The following LRRC45 variants were observed in gnomAD, a reference collection of about 807,000 sequenced individuals.
LRRC45 encodes leucine-rich repeat-containing protein 45.
In LRRC45, 73 loss-of-function variants were observed where a neutral mutation model predicts 85.4. That is an observed-to-expected ratio of 0.85 (90% CI 0.71 to 1.04). The LOEUF (loss-of-function observed/expected upper bound fraction) is 1.04, where lower values mean the gene tolerates loss of function less well. LRRC45 is among the 50% of genes least tolerant of loss of function. The pLI, the probability that LRRC45 is intolerant of heterozygous loss-of-function variation, is 0.00. For synonymous variants in LRRC45, 429 were observed against 386.0 expected (o/e 1.11, Z -1.31); for missense variants, 937 against 883.3 (o/e 1.06, Z -0.77).
At chr17:82,026,051 G>A (rs1238292878) in intron 5 of LRRC45, among the ~76,000 whole-genome samples, 1 of 152,150 alleles carries the variant, frequency 6.6e-6, no homozygotes, top group African/African-American at 2.4e-5. Context: ...CCTAATCCGC[G>A]CACAGCGGCA....
At position 82,023,791 on chromosome 17, in the gene LRRC45, C is replaced by T; in HGVS notation, c.148C>T (p.Leu50=). 6.4e-7 allele frequency: 1 copy of T among 1,567,530 alleles called. No homozygotes were observed. Among genetic ancestry groups the T allele is most frequent in the Non-Finnish European group, 8.6e-7 (1 of 1,158,850 alleles). Residue 50 remains leucine, a synonymous_variant, in exon 1 of 17, where the codon CTG becomes TTG. Coordinates refer to ENST00000306688, the MANE Select transcript of LRRC45 (RefSeq NM_144999.4). ...CCTGACGGTGGAGACCTGCAGGGCC[C>T]TGGGCAAGCTGCTGCCGAGGGAGAC... ...QSLTVETCRA[L]GKLLPRETLC... is the part of the protein sequence containing the mutation.
intron 1 of LRRC45, 93 bp downstream of exon 1, chr17:82,023,956 A>G (rs966825779): frequency 1.8e-5 from 22 of 1,233,750 alleles, no homozygotes; most frequent in East Asian, 2.6e-5. Flanking sequence ...CAGGCTCTCC[A>G]ATTTCTGTGC....
intron 1 of LRRC45, 58 bp downstream of exon 1, chr17:82,023,921 C>T (rs1404402404): frequency 6.8e-6 from 10 of 1,468,474 alleles, no homozygotes; most frequent in African/African-American, 4.2e-5. Context: ...ACCATTGCCT[C>T]GGCAGCCCGA....
chr17:82,030,770 G>A lies in LRRC45; in HGVS notation c.1978G>A (p.Ala660Thr). The A allele has an allele frequency of 6.9e-7, 1 of 1,439,258 alleles. No individual in the cohort carries two copies. Among genetic ancestry groups the A allele is most frequent in the Non-Finnish European group, 9.3e-7 (1 of 1,080,064 alleles). 89.2% of individuals were successfully genotyped at this position (1,439,258 alleles called of 1,614,324 possible). A position where few individuals can be genotyped will look rare whatever the true frequency, so the allele number is the denominator to read the frequency against. ...LQNAVLAYVQ[A>T]SPVRTLSPPK ...GAACGCCGTCCTGGCTTACGTGCAG[G>A]CGTCCCCCGTGAGGACCCTGAGCCC... The change falls in exon 17 of 17, where the codon GCG (alanine) becomes ACG (threonine). Residue 660 changes from alanine (A) to threonine (T), a missense_variant. Physicochemically the swap from Ala to Thr is moderately conservative, Grantham distance 58. Transcript: ENST00000306688.
Position 82,023,308 on chromosome 17 carries a change from C to A in LRRC45, c.-336C>A, listed in dbSNP as rs920171721. 4.4e-6 allele frequency: 2 copies of A among 456,872 alleles called. No homozygotes were observed. Among genetic ancestry groups the A allele is most frequent in the South Asian group, 6.4e-5 (2 of 31,244 alleles). The allele number at this position is 456,872 out of a possible 1,614,324, so 28.3% of individuals were successfully genotyped here. On this transcript the variant is annotated 5_prime_UTR_variant, in exon 1 of 17. Transcript: ENST00000306688. ...GCGGCCTCTCCCGGCGCGCCTTGTT[C>A]TTCCTGGATACTGAGGCCCCGACGC...
intron 5 of LRRC45, 80 bp downstream of exon 5, chr17:82,025,587 G>A: frequency 6.9e-7 from 1 of 1,443,038 alleles, no homozygotes; most frequent in South Asian, 1.6e-5. Context: ...CCGGGCTCAG[G>A]ACGGGAACTG....
rs763998431 is a variant in LRRC45, at chr17:82,030,832, T to G, written c.*27T>G. On this transcript the variant is annotated 3_prime_UTR_variant, in exon 17 of 17. Transcript: ENST00000306688. The stretch of plus-strand genomic sequence containing the variant: ...ACAGGCCGGGAGGACCCGGGCGCAG[T>G]AGGAGTGCATCAGGCGGCGCCCGAG... 7.6e-7 allele frequency: 1 copy of G among 1,315,480 alleles called. No homozygotes were observed. Among genetic ancestry groups the G allele is most frequent in the Non-Finnish European group, 9.8e-7 (1 of 1,020,752 alleles). The allele number at this position is 1,315,480 out of a possible 1,614,324, so 81.5% of individuals were successfully genotyped here.
rs1278440362 is a variant in LRRC45, at chr17:82,030,184, C to G, written c.1614C>G (p.Ser538Arg). ...QVVAEAQTRV[S>R]QLGLQVEGLR... is the part of the protein sequence containing the mutation. Reference sequence around the variant, plus strand: ...TGGCCGAGGCCCAGACCCGGGTCAGCCAGCTGGGCCTGCAAGTTGAGGGCC... The same window carrying G: ...TGGCCGAGGCCCAGACCCGGGTCAGGCAGCTGGGCCTGCAAGTTGAGGGCC... The change falls in exon 15 of 17, where the codon AGC becomes AGG. Residue 538 changes from serine (S) to arginine (R), a missense_variant. Physicochemically the swap from Ser to Arg is moderately radical, Grantham distance 110 (BLOSUM62 -1). Coordinates refer to ENST00000306688, the MANE Select transcript of LRRC45 (RefSeq NM_144999.4). 13 of 1,542,026 alleles carry G rather than the reference C, an allele frequency of 8.4e-6. No homozygotes were observed. In the South Asian group the frequency reaches 1.4e-4, roughly 17 times the overall value.
chr17:82,027,952 C>T (rs940450862), intron 8 of LRRC45, 59 bp from the exon 9 acceptor site: 1 of 1,552,342 alleles, frequency 6.4e-7, no homozygotes, highest in Non-Finnish European at 8.7e-7. Context: ...AGCAGCGAGG[C>T]CTTTATAAGG....
intron 13 of LRRC45, 22 bp from the exon 14 acceptor site, chr17:82,029,521 T>G: frequency 6.4e-7 from 1 of 1,554,664 alleles, no homozygotes; most frequent in Non-Finnish European, 8.7e-7. Context: ...GAGAACGGGC[T>G]GGCAGGTGGC....
rs753792516 is a variant in LRRC45 at position 82,029,180 on chromosome 17, G to A, written c.1396G>A (p.Glu466Lys). The A allele has an allele frequency of 2.5e-6, 4 of 1,610,084 alleles. No homozygotes were observed. The South Asian group carries it at 3.3e-5, about 13-fold the overall frequency. The stretch of plus-strand genomic sequence containing the variant: ...GCTGGAGGCGGCGCGGCTGTCCCTG[G>A]AGGAGGTGAGTGCCCACCAGGCAGG... ...QRLEAARLSL[E>K]EELSRVKAAA... is the part of the protein sequence containing the mutation. The change falls in exon 13 of 17, where the codon GAG (glutamate) becomes AAG (lysine). Residue 466 changes from glutamate (E) to lysine (K), a missense_variant. Physicochemically the swap from Glu to Lys is moderately conservative, Grantham distance 56 (BLOSUM62 1). Coordinates refer to ENST00000306688, the MANE Select transcript of LRRC45 (RefSeq NM_144999.4).
intron 5 of LRRC45, among the ~76,000 whole-genome samples, chr17:82,026,564 T>TTGTGTGTGTGTGTGTGTGTGTG (rs550616399): frequency 1.5e-5 from 2 of 137,466 alleles, no homozygotes; most frequent in African/African-American, 2.7e-5. Flanking sequence ...CACAGCTCCT[T>TTGTGTGTGTGTGTGTGTGTGTG]TGTGTGTGTG....
Position 82,024,315 on chromosome 17 carries a change from C to A in LRRC45, c.258C>A (p.Thr86=), listed in dbSNP as rs150032877. The A allele has an allele frequency of 1.9e-6, 3 of 1,612,358 alleles. No homozygotes were observed. The highest frequency in any genetic ancestry group is 2.7e-5 in the African/African-American group (2 of 74,918). The part of the protein sequence containing the change: ...TLLLRGLCAN[T]VLRFLDLKGN... ...TGCTCCGAGGCCTGTGTGCCAACAC[C>A]GTGCTGCGCTTTCTGGACTTAAAGG... The change falls in exon 2 of 17, where the codon ACC becomes ACA. Residue 86 remains threonine (T), a synonymous_variant. Coordinates refer to ENST00000306688, the MANE Select transcript of LRRC45 (RefSeq NM_144999.4).
Position 82,030,619 on chromosome 17 carries a change from C to T in LRRC45, c.1827C>T (p.Ser609=). 7.2e-7 allele frequency: 1 copy of T among 1,394,126 alleles called. No homozygotes were observed. The highest frequency in any genetic ancestry group is 9.3e-7 in the Non-Finnish European group (1 of 1,076,224). 86.4% of individuals were successfully genotyped at this position (1,394,126 alleles called of 1,614,324 possible). A position where few individuals can be genotyped will look rare whatever the true frequency, so the allele number is the denominator to read the frequency against. The change falls in exon 17 of 17, where the codon AGC becomes AGT. Residue 609 remains serine, a synonymous_variant. Transcript: ENST00000306688. Reference sequence around the variant, plus strand: ...CTCCTTGCCCTGCAGTGATGGCGAGCGACCACCGAGAGGCGCTGCTGGACA... The same window carrying T: ...CTCCTTGCCCTGCAGTGATGGCGAGTGACCACCGAGAGGCGCTGCTGGACA... The part of the protein sequence containing the change: ...ALERQLKVMA[S]DHREALLDRE...
chr17:82,024,466 C>T, intron 2 of LRRC45, 127 bp downstream of exon 2: 2 of 1,158,230 alleles, frequency 1.7e-6, no homozygotes, highest in South Asian at 1.4e-5. Flanking sequence ...AGTCCCCAGG[C>T]CGCTCTCTGA....
intron 5 of LRRC45, among the ~76,000 whole-genome samples, chr17:82,026,600 GACTGAGTTTCACTCAGTCACCCAGGC>G (rs905934185): frequency 7.4e-5 from 11 of 147,904 alleles, no homozygotes; most frequent in African/African-American, 2.9e-4. Flanking sequence ...GTGTGTGTGT[GACTGAGTTTCACTCAGTCACCCAGGC>G]TGGAGTGCAG....
At chr17:82,029,333 T>C in intron 13 of LRRC45, 148 bp downstream of exon 13, 1 of 918,964 alleles carries the variant, frequency 1.1e-6, no homozygotes, top group Non-Finnish European at 1.6e-6. Flanking sequence ...CCCACCAGTG[T>C]GCCCAAGAAG....
chr17:82,026,559 C>T (rs903487700), intron 5 of LRRC45, among the ~76,000 whole-genome samples: 36 of 78,694 alleles, frequency 4.6e-4, no homozygotes, highest in African/African-American at 2.0e-3. Context: ...GGTGACACAG[C>T]TCCTTTGTGT....
At chr17:82,024,376 A>G (rs761561906) in intron 2 of LRRC45, 37 bp downstream of exon 2, 42 of 1,609,176 alleles carry the variant, frequency 2.6e-5, no homozygotes, top group Middle Eastern at 1.6e-4. Context: ...CGAGTGTGCC[A>G]CCCAAGGGCA....
Sources: allele counts gnomAD v4.1 joint callset (sites outside exome capture counted in the v4.1 genomes callset), GRCh38; gene constraint gnomAD v4.1.1; transcripts MANE v1.5; gene names NCBI Gene and HGNC (gene_info 2026-07-23, HGNC 2026-07-21).